Variants in KPNA3 observed in about 807,000 individuals in gnomAD.
KPNA3 encodes importin subunit alpha-4.
KPNA3 carries 13 observed loss-of-function variants against 73.8 expected under a neutral mutation model. That is an observed-to-expected ratio of 0.18 (90% CI 0.11 to 0.28). The LOEUF (loss-of-function observed/expected upper bound fraction) is 0.28. KPNA3 is among the 10% of genes least tolerant of loss of function. The probability of loss-of-function intolerance (pLI) is 1.00; values close to 1 mark genes in which losing one functional copy is unlikely to be tolerated. For synonymous variants in KPNA3, 186 were observed against 206.9 expected (o/e 0.90, Z 0.87); for missense variants, 360 against 618.1 (o/e 0.58, Z 4.43).
chr13:49,757,763 G>T (rs1253198986), intron 1 of KPNA3, among the ~76,000 whole-genome samples: 2 of 152,048 alleles, frequency 1.3e-5, no homozygotes, highest in Non-Finnish European at 2.9e-5. Flanking sequence ...CTACAACCTG[G>T]AAACAACCCA....
chr13:49,708,563 G>A (rs1277460331), intron 12 of KPNA3, among the ~76,000 whole-genome samples: 1 of 152,132 alleles, frequency 6.6e-6, no homozygotes, highest in African/African-American at 2.4e-5. Context: ...ACTCAAATAG[G>A]TATTTGTATG....
At chr13:49,745,904 A>G (rs1361566040) in intron 2 of KPNA3, among the ~76,000 whole-genome samples, 3 of 151,298 alleles carry the variant, frequency 2.0e-5, no homozygotes, top group Non-Finnish European at 3.0e-5. Flanking sequence ...TCTACTAAAA[A>G]TACAAAAAAT....
chr13:49,734,735 T>C (rs1036226410), intron 2 of KPNA3, among the ~76,000 whole-genome samples: 2 of 152,140 alleles, frequency 1.3e-5, no homozygotes, highest in African/African-American at 4.8e-5. Context: ...ATAAAACCAG[T>C]TTCCAAACAC....
chr13:49,759,127 A>C (rs975293501), intron 1 of KPNA3, among the ~76,000 whole-genome samples: 1 of 152,214 alleles, frequency 6.6e-6, no homozygotes, highest in Non-Finnish European at 1.5e-5. Context: ...ACACACATAG[A>C]TTTCAATCTG....
rs1171362512 is a variant in KPNA3, at chr13:49,700,896, A to C, written c.*904T>G. ...ACCAATGGGTATTTTAGACTTTTGC[A>C]GTTTTTTTTTGTTTGCTTTTTGTTT... On this transcript the variant is annotated 3_prime_UTR_variant, in exon 17 of 17. Transcript: ENST00000261667. 1 of 152,508 alleles carries C rather than the reference A, an allele frequency of 6.6e-6. No homozygotes were observed. The highest frequency in any genetic ancestry group is 1.5e-5 in the Non-Finnish European group (1 of 68,034). 9.4% of individuals were successfully genotyped at this position (152,508 alleles called of 1,614,324 possible). A position where few individuals can be genotyped will look rare whatever the true frequency, so the allele number is the denominator to read the frequency against.
At chr13:49,747,685 C>CA (rs1430619940) in intron 1 of KPNA3, among the ~76,000 whole-genome samples, 18 of 152,138 alleles carry the variant, frequency 1.2e-4, no homozygotes, top group Non-Finnish European at 1.5e-5. Context: ...GACTCTGTCT[C>CA]AAAAAATAAA....
intron 15 of KPNA3, among the ~76,000 whole-genome samples, chr13:49,703,148 G>A (rs1273641017): frequency 4.0e-5 from 6 of 150,454 alleles, no homozygotes; most frequent in Non-Finnish European, 4.4e-5. Context: ...GATTACAGGC[G>A]TGAGCCACTG....
chr13:49,730,516 T>A (rs1264040227), intron 6 of KPNA3, among the ~76,000 whole-genome samples: 10 of 22,892 alleles, frequency 4.4e-4, no homozygotes, highest in Non-Finnish European at 6.5e-4. Flanking sequence ...CGAGACTCTG[T>A]CTCAAAAAAA....
At chr13:49,792,391 C>G (rs748528171) in intron 1 of KPNA3, 47 bp downstream of exon 1, 1 of 1,434,776 alleles carries the variant, frequency 7.0e-7, no homozygotes, top group Non-Finnish European at 9.3e-7. Flanking sequence ...CCCCGCGTCG[C>G]CGGGCCGGCG....
At position 49,721,768 on chromosome 13, in the gene KPNA3, C is replaced by G. The variant is rs868649960; in HGVS notation, c.726+187G>C. Among the ~76,000 whole-genome samples the G allele has an allele frequency of 3.3e-5, 5 of 151,972 alleles. No individual in the cohort carries two copies. In the South Asian group the frequency reaches 1.0e-3, roughly 32 times the overall value. On this transcript the variant is annotated intron_variant, in intron 9 of 16. Coordinates refer to ENST00000261667, the MANE Select transcript of KPNA3 (RefSeq NM_002267.4). Reference sequence around the variant, plus strand: ...CCAGGAAGTGGAGCTTGCCGTGAGCCAAGATCGCGCCACTGCACTCCAGCC... The same window carrying G: ...CCAGGAAGTGGAGCTTGCCGTGAGCGAAGATCGCGCCACTGCACTCCAGCC...
At chr13:49,756,938 C>T (rs1214495698) in intron 1 of KPNA3, among the ~76,000 whole-genome samples, 1 of 152,050 alleles carries the variant, frequency 6.6e-6, no homozygotes, top group African/African-American at 2.4e-5. Flanking sequence ...GGTGCAAAAG[C>T]AATTAAATGG....
At chr13:49,717,841 C>T (rs1009677736) in intron 10 of KPNA3, among the ~76,000 whole-genome samples, 13 of 152,214 alleles carry the variant, frequency 8.5e-5, no homozygotes, top group East Asian at 1.9e-4. Flanking sequence ...TTATAATGCT[C>T]GTCTCAAATG....
chr13:49,749,164 A>T (rs1954641945), intron 1 of KPNA3, among the ~76,000 whole-genome samples: 1 of 152,246 alleles, frequency 6.6e-6, no homozygotes, highest in Non-Finnish European at 1.5e-5. Flanking sequence ...ATTCACACTA[A>T]GATATTTCTG....
chr13:49,780,835 C>T (rs995337331), intron 1 of KPNA3, among the ~76,000 whole-genome samples: 5 of 151,296 alleles, frequency 3.3e-5, no homozygotes, highest in African/African-American at 7.3e-5. Context: ...ATTCTCCTGC[C>T]TCAGCCTCTG....
In KPNA3 at chr13:49,740,658, T is replaced by A. The variant is rs951400336; in HGVS notation, c.114+6291A>T. Among the ~76,000 whole-genome samples, 5 of 152,248 alleles carry A rather than the reference T, an allele frequency of 3.3e-5. No individual in the cohort carries two copies. The East Asian group carries it at 9.6e-4, about 29-fold the overall frequency. The stretch of plus-strand genomic sequence containing the variant: ...GAAGTGTGAGTCCAATAAACCTCTT[T>A]CTTTTGTAAATTGCCCAGTTTCAGG... On this transcript the variant is annotated intron_variant, in intron 2 of 16. Transcript: ENST00000261667.
chr13:49,775,538 T>C (rs1288791311), intron 1 of KPNA3, among the ~76,000 whole-genome samples: 1 of 152,196 alleles, frequency 6.6e-6, no homozygotes, highest in African/African-American at 2.4e-5. Flanking sequence ...TTAAAAAATA[T>C]TTGTTTCTGC....
chr13:49,735,251 TAGCTGGGATTA>T (rs1439697135), intron 2 of KPNA3, among the ~76,000 whole-genome samples: 1 of 152,174 alleles, frequency 6.6e-6, no homozygotes, highest in Non-Finnish European at 1.5e-5. Context: ...GCCTCCTGAA[TAGCTGGGATTA>T]CAGGCATGCG....
At chr13:49,743,578 C>CAAA (rs150375280) in intron 2 of KPNA3, among the ~76,000 whole-genome samples, 3 of 94,210 alleles carry the variant, frequency 3.2e-5, no homozygotes, top group African/African-American at 8.1e-5. Flanking sequence ...TAATGTTAGC[C>CAAA]AAAAAAAAAA....
At chr13:49,790,288 G>A (rs1040844372) in intron 1 of KPNA3, among the ~76,000 whole-genome samples, 4 of 152,138 alleles carry the variant, frequency 2.6e-5, no homozygotes, top group African/African-American at 7.2e-5. Flanking sequence ...GCAACAAAGC[G>A]AGACCCCGTC....
Sources: gnomAD v4.1 joint callset for allele counts (sites outside exome capture counted in the v4.1 genomes callset) on GRCh38, gnomAD v4.1.1 for gene constraint, MANE v1.5 for transcripts, NCBI Gene and HGNC (gene_info 2026-07-23, HGNC 2026-07-21) for gene names.